ABHD3: variants seen among roughly 807,000 people sequenced by gnomAD.
ABHD3 encodes phospholipase ABHD3.
A neutral mutation model predicts 48.8 loss-of-function variants in ABHD3; 46 were observed. The observed-to-expected ratio is 0.94, with a 90% CI of 0.74 to 1.20. ABHD3 has a LOEUF of 1.20. Ranked by LOEUF, ABHD3 falls within the 50% of genes most tolerant of loss-of-function variation. The pLI is 0.00. For synonymous variants in ABHD3, 192 were observed against 183.7 expected (o/e 1.04, Z -0.36); for missense variants, 490 against 497.8 (o/e 0.98, Z 0.15).
intron 3 of ABHD3, among the ~76,000 whole-genome samples, chr18:21,693,454 A>T (rs2040297962): frequency 6.6e-6 from 1 of 152,206 alleles, no homozygotes; most frequent in African/African-American, 2.4e-5. Flanking sequence ...GCCCAGCACT[A>T]CCTAAGCTGT....
intron 8 of ABHD3, among the ~76,000 whole-genome samples, chr18:21,653,950 A>C (rs1231361319): frequency 2.6e-5 from 4 of 151,364 alleles, no homozygotes; most frequent in Non-Finnish European, 5.9e-5. Flanking sequence ...GGTTCAAGCA[A>C]TTCTCCTGCC....
intron 5 of ABHD3, among the ~76,000 whole-genome samples, chr18:21,662,680 A>C (rs2039529452): frequency 6.6e-6 from 1 of 152,172 alleles, no homozygotes; most frequent in Non-Finnish European, 1.5e-5. Flanking sequence ...CCAAGTGGTA[A>C]GCCCACTTGG....
At chr18:21,692,230 G>A (rs1239843967) in intron 3 of ABHD3, among the ~76,000 whole-genome samples, 3 of 152,142 alleles carry the variant, frequency 2.0e-5, no homozygotes, top group South Asian at 2.1e-4. Flanking sequence ...GATTATAGGC[G>A]TGAGCCACCG....
chr18:21,678,585 T>C (rs1431869577), intron 4 of ABHD3, among the ~76,000 whole-genome samples: 2 of 151,490 alleles, frequency 1.3e-5, no homozygotes, highest in East Asian at 3.9e-4. Flanking sequence ...ATCCTATAAC[T>C]AAAAATAGCT....
chr18:21,664,012 C>A, intron 5 of ABHD3, 106 bp downstream of exon 5: 2 of 1,442,410 alleles, frequency 1.4e-6, no homozygotes, highest in East Asian at 2.5e-5. Flanking sequence ...CATAATCAGA[C>A]ATTTATTTAA....
intron 2 of ABHD3, 147 bp downstream of exon 2, chr18:21,703,437 G>A (rs1178228628): frequency 5.2e-6 from 5 of 967,660 alleles, no homozygotes; most frequent in Admixed American, 5.9e-5. Flanking sequence ...GGGTGGAGCC[G>A]GGGACGTACC....
At chr18:21,696,145 T>C (rs45626832) in intron 3 of ABHD3, among the ~76,000 whole-genome samples, 2 of 150,810 alleles carry the variant, frequency 1.3e-5, no homozygotes, top group Non-Finnish European at 2.9e-5. Flanking sequence ...TTTTTCTCCT[T>C]GTTTTTTTTT....
rs191064517 is a variant in ABHD3 at position 21,684,873 on chromosome 18, T to C, written c.510-908A>G. Among the ~76,000 whole-genome samples the C allele has an allele frequency of 4.9e-3, 747 of 152,278 alleles. 3 individuals are homozygous for C. The highest frequency in any genetic ancestry group is 5.5e-3 in the Non-Finnish European group (376 of 68,018). ...GTTGACCTAGGGAGGAAAGATGACC[T>C]TGTGCTTTCTCTGATCCTGTTTGCA... On this transcript the variant is annotated intron_variant, in intron 3 of 8. Transcript: ENST00000289119.
rs780420781 is a variant in ABHD3, at chr18:21,651,105, G to T, written c.*486C>A. 6.6e-6 allele frequency: 1 copy of T among 152,094 alleles called. No individual in the cohort carries two copies. Among genetic ancestry groups the T allele is most frequent in the Non-Finnish European group, 1.5e-5 (1 of 68,024 alleles). The allele number at this position is 152,094 out of a possible 1,614,324, so 9.4% of individuals were successfully genotyped here. On this transcript the variant is annotated 3_prime_UTR_variant, in exon 9 of 9. Coordinates refer to ENST00000289119, the MANE Select transcript of ABHD3 (RefSeq NM_138340.5). ...TTAGAATACATAAAAGATTTAGCAC[G>T]TTGTATTTTATCTTATTTCAGTTTT...
chr18:21,678,229 A>G (rs1191011002), intron 4 of ABHD3, among the ~76,000 whole-genome samples: 1 of 152,220 alleles, frequency 6.6e-6, no homozygotes, highest in East Asian at 1.9e-4. Context: ...TGCTGGGATT[A>G]CAGGTATGAG....
At chr18:21,659,390 ACAGAAGACATC>A (rs1236346342) in intron 5 of ABHD3, 47 bp from the exon 6 acceptor site, 1 of 1,552,682 alleles carries the variant, frequency 6.4e-7, no homozygotes, top group African/African-American at 1.4e-5. Flanking sequence ...TTGTTGTATC[ACAGAAGACATC>A]CATTTCTAAC....
rs1464256388 is a variant in ABHD3, at chr18:21,659,234, T to C, written c.778A>G (p.Lys260Glu). 1 of 1,613,782 alleles carries C rather than the reference T, an allele frequency of 6.2e-7. No individual in the cohort carries two copies. Among genetic ancestry groups the C allele is most frequent in the East Asian group, 2.2e-5 (1 of 44,848 alleles). The change falls in exon 6 of 9, where the codon AAA (lysine) becomes GAA (glutamate). Residue 260 changes from lysine (K) to glutamate (E), a missense_variant. Physicochemically the swap from Lys to Glu is moderately conservative, Grantham distance 56. Coordinates refer to ENST00000289119, the MANE Select transcript of ABHD3 (RefSeq NM_138340.5). ...TTAAAAAGTAGCCAGTTCAGTGGTT[T>C]TTCCAATGACTCTGAGCAAGCGAAG... ...NTFACSESLEKPLNWLLFNYY... is the reference protein window; with the variant it reads ...NTFACSESLEEPLNWLLFNYY...
intron 8 of ABHD3, among the ~76,000 whole-genome samples, chr18:21,654,731 A>T: frequency 6.6e-6 from 1 of 152,236 alleles, no homozygotes; most frequent in East Asian, 1.9e-4. Flanking sequence ...GTCATATCAG[A>T]AGAACAAAAG....
intron 8 of ABHD3, among the ~76,000 whole-genome samples, chr18:21,656,470 C>T (rs2039352232): frequency 6.6e-6 from 1 of 152,182 alleles, no homozygotes. Flanking sequence ...GTCTCAAGTT[C>T]TCTTCCAGAT....
intron 8 of ABHD3, among the ~76,000 whole-genome samples, chr18:21,653,937 C>T (rs1418830114): frequency 3.3e-5 from 5 of 151,320 alleles, no homozygotes; most frequent in African/African-American, 9.7e-5. Flanking sequence ...CCTCTGTCTC[C>T]GGGGTTCAAG....
chr18:21,678,432 C>T (rs1364859315), intron 4 of ABHD3, among the ~76,000 whole-genome samples: 1 of 151,980 alleles, frequency 6.6e-6, no homozygotes, highest in Non-Finnish European at 1.5e-5. Context: ...AAATAGGGAA[C>T]CCAAGATCCT....
intron 4 of ABHD3, among the ~76,000 whole-genome samples, chr18:21,672,651 T>C (rs372514732): frequency 2.6e-5 from 4 of 152,228 alleles, no homozygotes; most frequent in East Asian, 1.9e-4. Context: ...CCTTAATTGA[T>C]CTCTACAGTG....
chr18:21,675,704 C>T (rs999708268), intron 4 of ABHD3, among the ~76,000 whole-genome samples: 3 of 151,646 alleles, frequency 2.0e-5, no homozygotes, highest in African/African-American at 7.3e-5. Flanking sequence ...GGAAATATTG[C>T]GATGAGGGAA....
intron 3 of ABHD3, among the ~76,000 whole-genome samples, chr18:21,695,838 C>T (rs1452029744): frequency 6.6e-6 from 1 of 152,146 alleles, no homozygotes; most frequent in African/African-American, 2.4e-5. Context: ...CCTGCTGCTG[C>T]TGCACAGTCT....
Sources: gnomAD v4.1 joint callset for allele counts (sites outside exome capture counted in the v4.1 genomes callset) on GRCh38, gnomAD v4.1.1 for gene constraint, MANE v1.5 for transcripts, NCBI Gene and HGNC (gene_info 2026-07-23, HGNC 2026-07-21) for gene names.